PBX3: variants seen among roughly 807,000 people sequenced by gnomAD.
PBX3 encodes PBX homeobox 3.
A neutral mutation model predicts 48.5 loss-of-function variants in PBX3; 14 were observed. That is an observed-to-expected ratio of 0.29 (90% CI 0.19 to 0.45). The LOEUF is 0.45. Among genes scored for constraint, PBX3 ranks in the 20% least tolerant of loss-of-function variants. PBX3 has a pLI of 1.00. For synonymous variants in PBX3, 210 were observed against 200.3 expected (o/e 1.05, Z -0.41); for missense variants, 386 against 546.7 (o/e 0.71, Z 2.93).
intron 2 of PBX3, among the ~76,000 whole-genome samples, chr9:125,879,734 G>A (rs1185770748): frequency 6.6e-6 from 1 of 152,186 alleles, no homozygotes; most frequent in Non-Finnish European, 1.5e-5. Context: ...TACTTCAATA[G>A]ATCCTTTGAG....
chr9:125,777,046 C>T (rs568078451), intron 2 of PBX3, among the ~76,000 whole-genome samples: 25 of 148,882 alleles, frequency 1.7e-4, no homozygotes, highest in African/African-American at 6.1e-4. Context: ...GTCTCTGTCA[C>T]CAGGCTGGAG....
chr9:125,864,292 A>T (rs1000886826), intron 2 of PBX3, among the ~76,000 whole-genome samples: 2 of 152,130 alleles, frequency 1.3e-5, no homozygotes, highest in Non-Finnish European at 2.9e-5. Context: ...GGAGTCAATT[A>T]TTAGAGTGTA....
chr9:125,794,261 C>T lies in PBX3; in HGVS notation c.274+45638C>T, dbSNP rs1837712540. Among the ~76,000 whole-genome samples, 4 of 152,276 alleles carry T rather than the reference C, an allele frequency of 2.6e-5. No homozygotes were observed. The South Asian group carries it at 8.3e-4, about 32-fold the overall frequency. Reference sequence around the variant, plus strand: ...CTGTGGACTGGCAGCATGGCCATCACCTGGGAGCTTATTAAAACTGAAGAT... The same window carrying T: ...CTGTGGACTGGCAGCATGGCCATCATCTGGGAGCTTATTAAAACTGAAGAT... On this transcript the variant is annotated intron_variant, in intron 2 of 8. Transcript: ENST00000373489.
chr9:125,918,601 T>C (rs1841386519), intron 3 of PBX3, among the ~76,000 whole-genome samples: 1 of 152,226 alleles, frequency 6.6e-6, no homozygotes, highest in African/African-American at 2.4e-5. Flanking sequence ...TGGAAAAATA[T>C]AGATATATAA....
chr9:125,816,844 C>A (rs1190155275), intron 2 of PBX3, among the ~76,000 whole-genome samples: 2 of 152,068 alleles, frequency 1.3e-5, no homozygotes, highest in Non-Finnish European at 2.9e-5. Context: ...ACATAGAATC[C>A]CAGTTTAATC....
chr9:125,771,735 T>C (rs1836945534), intron 2 of PBX3, among the ~76,000 whole-genome samples: 1 of 152,228 alleles, frequency 6.6e-6, no homozygotes, highest in Non-Finnish European at 1.5e-5. Flanking sequence ...ATATTTGCTA[T>C]TGATAATTTT....
intron 2 of PBX3, among the ~76,000 whole-genome samples, chr9:125,860,859 C>G (rs1839844540): frequency 7.2e-6 from 1 of 138,272 alleles, no homozygotes; most frequent in Admixed American, 7.8e-5. Context: ...TGTGCTCCAG[C>G]CTGGGTGACA....
intron 2 of PBX3, among the ~76,000 whole-genome samples, chr9:125,856,996 C>G (rs1288637735): frequency 2.0e-5 from 3 of 152,076 alleles, no homozygotes; most frequent in Admixed American, 1.3e-4. Context: ...CTTGAAAGTT[C>G]ATTTAGCTAT....
At chr9:125,811,585 C>A (rs1254360243) in intron 2 of PBX3, among the ~76,000 whole-genome samples, 1 of 152,280 alleles carries the variant, frequency 6.6e-6, no homozygotes, top group East Asian at 1.9e-4. Context: ...GAGGCCTCCC[C>A]AGCCATGTGG....
chr9:125,943,220 G>C (rs1355799984), intron 5 of PBX3, among the ~76,000 whole-genome samples: 2 of 151,810 alleles, frequency 1.3e-5, no homozygotes, highest in Non-Finnish European at 2.9e-5. Flanking sequence ...GCCGGGCGTG[G>C]TGGCACACGC....
chr9:125,944,611 G>T (rs570282052), intron 5 of PBX3, among the ~76,000 whole-genome samples: 1 of 152,336 alleles, frequency 6.6e-6, no homozygotes, highest in Non-Finnish European at 1.5e-5. Context: ...AGAGGATCAG[G>T]AAAGACCTTC....
chr9:125,835,102 C>T (rs186091166), intron 2 of PBX3, among the ~76,000 whole-genome samples: 27 of 143,562 alleles, frequency 1.9e-4, no homozygotes, highest in Admixed American at 1.3e-3. Flanking sequence ...ACAGATAACT[C>T]TTAAATGTTG....
chr9:125,870,742 A>G (rs911910672), intron 2 of PBX3, among the ~76,000 whole-genome samples: 1 of 152,244 alleles, frequency 6.6e-6, no homozygotes, highest in African/African-American at 2.4e-5. Flanking sequence ...AGTGGTGGTC[A>G]GAGTTAAATC....
At chr9:125,847,126 T>C (rs1214324953) in intron 2 of PBX3, among the ~76,000 whole-genome samples, 2 of 152,052 alleles carry the variant, frequency 1.3e-5, no homozygotes, top group Non-Finnish European at 2.9e-5. Context: ...TGTTATATTC[T>C]TATATTAGGT....
intron 2 of PBX3, among the ~76,000 whole-genome samples, chr9:125,795,226 G>A (rs1837744954): frequency 6.6e-6 from 1 of 152,234 alleles, no homozygotes; most frequent in African/African-American, 2.4e-5. Context: ...CAGGATTGAA[G>A]TGTATTCTGA....
At chr9:125,855,419 A>G (rs1438291124) in intron 2 of PBX3, among the ~76,000 whole-genome samples, 3 of 152,142 alleles carry the variant, frequency 2.0e-5, no homozygotes, top group Non-Finnish European at 2.9e-5. Flanking sequence ...ACTTTAATAT[A>G]TTCCTATAAA....
intron 2 of PBX3, among the ~76,000 whole-genome samples, chr9:125,893,134 TCTTGTTA>T (rs1840690002): frequency 6.6e-6 from 1 of 152,220 alleles, no homozygotes; most frequent in Admixed American, 6.5e-5. Context: ...ATCCTGTAGT[TCTTGTTA>T]ACAAGCTTAT....
rs536793649 is a variant in PBX3 at position 125,852,402 on chromosome 9, C to T, written c.275-63284C>T. ...ATAGTAAAATGTTGCTTCTTACTAC[C>T]TGTTTTAATTCAAGCCGTTAATGTG... On this transcript the variant is annotated intron_variant, in intron 2 of 8. Transcript: ENST00000373489. Among the ~76,000 whole-genome samples the T allele has an allele frequency of 4.7e-4, 71 of 152,110 alleles. 1 individual carries two copies. Among genetic ancestry groups the T allele is most frequent in the Non-Finnish European group, 9.0e-4 (61 of 67,982 alleles).
At chr9:125,945,029 T>C (rs11792816) in intron 5 of PBX3, among the ~76,000 whole-genome samples, 96,555 of 151,896 alleles carry the variant, frequency 0.64, 31,934 homozygotes, top group East Asian at 0.77. Flanking sequence ...TCAATACCAG[T>C]CTGGCCAACA....
Sources: gnomAD v4.1 joint callset for allele counts (sites outside exome capture counted in the v4.1 genomes callset) on GRCh38, gnomAD v4.1.1 for gene constraint, MANE v1.5 for transcripts, NCBI Gene and HGNC (gene_info 2026-07-23, HGNC 2026-07-21) for gene names.